MICA: variants seen among roughly 807,000 people sequenced by gnomAD.
The protein encoded by MICA is MHC class I polypeptide-related sequence A, also known as HLA class I antigen.
A neutral mutation model predicts 34.3 loss-of-function variants in MICA; 18 were observed. The ratio of observed to expected loss-of-function variants is 0.52; its 90% CI spans 0.36 to 0.78. MICA has a LOEUF of 0.78. Among genes scored for constraint, MICA ranks in the 30% least tolerant of loss-of-function variants. The pLI is 0.00. For missense variants in MICA, 333 were observed against 409.4 expected (o/e 0.81, Z 1.61); for synonymous variants, 135 against 156.9 (o/e 0.86, Z 1.04).
At position 31,403,667 on chromosome 6, in the gene MICA, G is replaced by T. The variant is rs530525489; in HGVS notation, c.35G>T (p.Gly12Val). The change falls in exon 1 of 6, where the codon GGC becomes GTC. Residue 12 changes from glycine to valine, a missense_variant. Transcript: ENST00000449934. The surrounding 1 kb of genome is among the most constrained non-coding windows in gnomAD (Gnocchi z 4.7). Reference protein sequence around the residue: ...GLGPVFLLLAGIFPFAPPGAA... With the variant: ...GLGPVFLLLAVIFPFAPPGAA... ...GGCCCGGTCTTTCTGCTTCTGGCTG[G>T]CATCTTCCCTTTTGCACCTCCGGGA... The T allele has an allele frequency of 6.1e-5, 93 of 1,533,392 alleles. 1 individual carries two copies. In the East Asian group the frequency reaches 7.1e-4, roughly 12 times the overall value. The allele number at this position is 1,533,392 out of a possible 1,614,324, so 95.0% of individuals were successfully genotyped here.
chr6:31,411,401 GC>G lies in MICA; in HGVS notation c.613+43del. 1 of 1,514,554 alleles carries G rather than the reference GC, an allele frequency of 6.6e-7. No individual in the cohort carries two copies. Among genetic ancestry groups the G allele is most frequent in the South Asian group, 1.3e-5 (1 of 78,314 alleles). The allele number at this position is 1,514,554 out of a possible 1,614,324, so 93.8% of individuals were successfully genotyped here. A position where few individuals can be genotyped will look rare whatever the true frequency, so the allele number is the denominator to read the frequency against. On this transcript the variant is annotated intron_variant, in intron 3 of 5. Coordinates refer to ENST00000449934, the MANE Select transcript of MICA (RefSeq NM_001177519.3). The surrounding 1 kb of genome is among the most constrained non-coding windows in gnomAD (Gnocchi z 4.3). ...GGGGCTCTCCTCTCCCTCCAATTCT[GC>G]TAGAGTTGCCTCACCTCCCAGATGT...
intron 5 of MICA, among the ~76,000 whole-genome samples, chr6:31,413,097 T>C (rs1237955026): frequency 2.6e-5 from 4 of 152,044 alleles, no homozygotes; most frequent in Non-Finnish European, 5.9e-5. Context: ...ATGCACCTCC[T>C]CCAGGAGCTT....
rs1275208276 is a variant in MICA at position 31,403,743 on chromosome 6, G to A, written c.70+41G>A. The A allele has an allele frequency of 3.3e-6, 5 of 1,518,130 alleles. No homozygotes were observed. Among genetic ancestry groups the A allele is most frequent in the Non-Finnish European group, 4.4e-6 (5 of 1,134,992 alleles). The allele number at this position is 1,518,130 out of a possible 1,614,324, so 94.0% of individuals were successfully genotyped here. Reference sequence around the variant, plus strand: ...GGCGGTCCTCGGCGGAGCGGGAGCAGTGGGACGTTTCCGGGGGTCGGGTGG... The same window carrying A: ...GGCGGTCCTCGGCGGAGCGGGAGCAATGGGACGTTTCCGGGGGTCGGGTGG... On this transcript the variant is annotated intron_variant, in intron 1 of 5. Coordinates refer to ENST00000449934, the MANE Select transcript of MICA (RefSeq NM_001177519.3). This position sits in a 1 kb window ranked among gnomAD's most constrained non-coding sequence, Gnocchi z 4.7.
At chr6:31,413,544 C>T (rs9266813) in intron 5 of MICA, among the ~76,000 whole-genome samples, 3 of 151,688 alleles carry the variant, frequency 2.0e-5, no homozygotes, top group East Asian at 1.9e-4. Context: ...GCAGTTCAGG[C>T]GACAGTAAGA....
In MICA at chr6:31,411,480, T is replaced by C. The variant is rs1407153345; in HGVS notation, c.613+121T>C. 2 of 1,020,668 alleles carry C rather than the reference T, an allele frequency of 2.0e-6. No homozygotes were observed. The allele number at this position is 1,020,668 out of a possible 1,614,324, so 63.2% of individuals were successfully genotyped here. On this transcript the variant is annotated intron_variant, in intron 3 of 5. Coordinates refer to ENST00000449934, the MANE Select transcript of MICA (RefSeq NM_001177519.3). This position sits in a 1 kb window ranked among gnomAD's most constrained non-coding sequence, Gnocchi z 4.3. ...GATGAAGGCATTTCCTGTTGGCACA[T>C]CGTGTCCTGATTTTCCTCTATTGTT...
At chr6:31,410,899 T>A in intron 2 of MICA, 102 bp downstream of exon 2, 3 of 1,482,454 alleles carry the variant, frequency 2.0e-6, no homozygotes, top group Non-Finnish European at 2.7e-6. Context: ...TGGCTCAGGC[T>A]GGGGGTGAGG....
In MICA at chr6:31,410,629, G is replaced by C. The variant is rs758250550; in HGVS notation, c.157G>C (p.Gly53Arg). 1 of 1,613,482 alleles carries C rather than the reference G, an allele frequency of 6.2e-7. No individual in the cohort carries two copies. The highest frequency in any genetic ancestry group is 1.3e-5 in the African/African-American group (1 of 74,716). The part of the protein sequence containing the change: ...SGFLAEVHLD[G>R]QPFLRYDRQK... ...GTTTCTTGCTGAGGTACATCTGGAT[G>C]GTCAGCCCTTCCTGCGCTATGACAG... The change falls in exon 2 of 6, where the codon GGT (glycine) becomes CGT (arginine). Residue 53 changes from glycine to arginine, a missense_variant. Coordinates refer to ENST00000449934, the MANE Select transcript of MICA (RefSeq NM_001177519.3).
intron 5 of MICA, 57 bp from the exon 6 acceptor site, chr6:31,414,955 G>C: frequency 7.3e-7 from 1 of 1,375,136 alleles, no homozygotes; most frequent in Non-Finnish European, 1.0e-6. Flanking sequence ...AGTCCCCAGG[G>C]AATAAACACA....
chr6:31,414,687 G>T (rs1442123377), intron 5 of MICA, among the ~76,000 whole-genome samples: 1 of 151,934 alleles, frequency 6.6e-6, no homozygotes, highest in Non-Finnish European at 1.5e-5. Context: ...CTTTGGGGAG[G>T]CCTCTCACTG....
At chr6:31,404,917 A>C in intron 1 of MICA, among the ~76,000 whole-genome samples, 1 of 149,796 alleles carries the variant, frequency 6.7e-6, no homozygotes, top group Non-Finnish European at 1.5e-5. Context: ...GCCCCTCTCC[A>C]CCTTGGGACC....
chr6:31,403,589 C>T (rs1770564665), upstream of MICA: 3 of 1,441,708 alleles, frequency 2.1e-6, no homozygotes, highest in Non-Finnish European at 2.7e-6. This position sits in a 1 kb window ranked among gnomAD's most constrained non-coding sequence, Gnocchi z 4.7. Context: ...CGCCTTCTCC[C>T]CGGCCACTGC....
rs1191659257 is a variant in MICA at position 31,410,701 on chromosome 6, C to G, written c.229C>G (p.Leu77Val). ...CCAGGGACAGTGGGCAGAAGATGTC[C>G]TGGGAAATAAGACATGGGACAGAGA... The part of the protein sequence containing the change: ...KPQGQWAEDV[L>V]GNKTWDRETR... Residue 77 changes from leucine to valine, a missense_variant, in exon 2 of 6, where the codon CTG (leucine) becomes GTG (valine). Leu to Val is a conservative substitution (Grantham distance 32, BLOSUM62 1). Coordinates refer to ENST00000449934, the MANE Select transcript of MICA (RefSeq NM_001177519.3). 2.5e-6 allele frequency: 4 copies of G among 1,612,760 alleles called. No homozygotes were observed. The South Asian group carries it at 4.4e-5, about 18-fold the overall frequency.
chr6:31,404,817 C>T (rs1282966467), intron 1 of MICA, among the ~76,000 whole-genome samples: 2 of 151,298 alleles, frequency 1.3e-5, no homozygotes, highest in Non-Finnish European at 2.9e-5. Context: ...CATGGTGGCC[C>T]CTTCCCCACT....
upstream of MICA, among the ~76,000 whole-genome samples, chr6:31,402,559 A>C (rs541383800): frequency 4.9e-4 from 75 of 151,946 alleles, 1 homozygote; most frequent in Middle Eastern, 3.4e-3. Flanking sequence ...CACCGTGTTT[A>C]GGAAGGCTGT....
chr6:31,411,182 G>A lies in MICA; in HGVS notation c.436G>A (p.Glu146Lys), dbSNP rs1259550477. The A allele has an allele frequency of 9.9e-6, 16 of 1,613,220 alleles. No individual in the cohort carries two copies. The highest frequency in any genetic ancestry group is 1.4e-5 in the Non-Finnish European group (16 of 1,179,976). ...DGELFLSQNLETEEWTVPQSS... is the reference protein window; with the variant it reads ...DGELFLSQNLKTEEWTVPQSS... ...GGAGCTCTTCCTCTCCCAAAACCTGGAGACTGAGGAATGGACAGTGCCCCA... is the reference window on the plus strand; with the variant it reads ...GGAGCTCTTCCTCTCCCAAAACCTGAAGACTGAGGAATGGACAGTGCCCCA... The change falls in exon 3 of 6, where the codon GAG (glutamate) becomes AAG (lysine). Residue 146 changes from glutamate (E) to lysine (K), a missense_variant. Transcript: ENST00000449934. The surrounding 1 kb of genome is among the most constrained non-coding windows in gnomAD (Gnocchi z 4.3).
In MICA at chr6:31,403,744, T is replaced by C. The variant is rs2252223; in HGVS notation, c.70+42T>C. 131,423 of 1,514,188 alleles carry C rather than the reference T, an allele frequency of 0.087. 7,016 individuals are homozygous for C. The highest frequency in any genetic ancestry group is 0.16 in the African/African-American group (11,520 of 70,026). The allele number at this position is 1,514,188 out of a possible 1,614,324, so 93.8% of individuals were successfully genotyped here. ...GCGGTCCTCGGCGGAGCGGGAGCAG[T>C]GGGACGTTTCCGGGGGTCGGGTGGG... On this transcript the variant is annotated intron_variant, in intron 1 of 5. Transcript: ENST00000449934. The surrounding 1 kb of genome is among the most constrained non-coding windows in gnomAD (Gnocchi z 4.7).
chr6:31,402,051 C>T (rs565291240), upstream of MICA: 39 of 152,076 alleles, frequency 2.6e-4, 1 homozygote, highest in African/African-American at 9.4e-4. Context: ...AAGTGTGCAG[C>T]TCAGTGGCTT....
chr6:31,412,461 G>A lies in MICA; in HGVS notation c.*29+1G>A, dbSNP rs1437880846. 5 of 1,557,624 alleles carry A rather than the reference G, an allele frequency of 3.2e-6. No homozygotes were observed. In the African/African-American group the frequency reaches 6.9e-5, roughly 21 times the overall value. On this transcript the variant is annotated splice_donor_variant, in intron 5 of 5. Transcript: ENST00000449934. LOFTEE classifies it low-confidence loss of function (3UTR_SPLICE). ...AAAACATCAGCTGCAGAGGGTCCAG[G>A]TGAGAAAAGCGGGCAGTTTCTGGAG...
At chr6:31,413,267 C>A (rs1771311339) in intron 5 of MICA, among the ~76,000 whole-genome samples, 1 of 151,884 alleles carries the variant, frequency 6.6e-6, no homozygotes, top group South Asian at 2.1e-4. Flanking sequence ...ATCAGGGCAG[C>A]TGTGGTCCCT....
Sources: allele counts gnomAD v4.1 joint callset (sites outside exome capture counted in the v4.1 genomes callset), GRCh38; gene constraint gnomAD v4.1.1; non-coding constraint Gnocchi (gnomAD v3.1); transcripts MANE v1.5; gene names NCBI Gene and HGNC (gene_info 2026-07-23, HGNC 2026-07-21).